Variants in PGCKA1 observed in about 807,000 individuals in gnomAD.
PGCKA1 encodes the protein PDCD10 and GCKIII kinases associated 1, also known as PDCD10 and GCKIII kinases-associated protein 1.
At chr4:37,526,864 TA>T in the PGCKA1 span, among the ~76,000 whole-genome samples, 20 of 151,432 alleles carry the variant, frequency 1.3e-4, no homozygotes, top group Admixed American at 5.3e-4. Flanking sequence ...TCCACTTATT[TA>T]AAAAAAAAGT....
chr4:37,460,290 A>G, the PGCKA1 span, among the ~76,000 whole-genome samples: 1 of 152,224 alleles, frequency 6.6e-6, no homozygotes, highest in African/African-American at 2.4e-5. Context: ...TAGTGCCGCA[A>G]TAAATATACA....
the PGCKA1 span, among the ~76,000 whole-genome samples, chr4:37,469,715 T>G: frequency 6.6e-6 from 1 of 152,230 alleles, no homozygotes; most frequent in Non-Finnish European, 1.5e-5. Flanking sequence ...GACCAAGCAA[T>G]AATCTATCGG....
At chr4:37,568,418 A>G in the PGCKA1 span, among the ~76,000 whole-genome samples, 2 of 152,140 alleles carry the variant, frequency 1.3e-5, no homozygotes, top group Non-Finnish European at 2.9e-5. Flanking sequence ...TTCCCAGTGG[A>G]GAAGGGGGGT....
At chr4:37,458,066 A>C in the PGCKA1 span, among the ~76,000 whole-genome samples, 1 of 152,168 alleles carries the variant, frequency 6.6e-6, no homozygotes, top group Non-Finnish European at 1.5e-5. Context: ...AGGACCCTTG[A>C]TCCTTTTTAG....
chr4:37,468,001 G>T, the PGCKA1 span, among the ~76,000 whole-genome samples: 22 of 152,206 alleles, frequency 1.4e-4, no homozygotes, highest in Non-Finnish European at 2.4e-4. Flanking sequence ...GTAGGAATAA[G>T]TTAGTTGCCT....
chr4:37,500,574 A>G, the PGCKA1 span, among the ~76,000 whole-genome samples: 1 of 152,234 alleles, frequency 6.6e-6, no homozygotes, highest in Non-Finnish European at 1.5e-5. Flanking sequence ...CCATGTGGCA[A>G]TGAGAGGAAT....
At chr4:37,468,227 G>C in the PGCKA1 span, among the ~76,000 whole-genome samples, 2 of 152,110 alleles carry the variant, frequency 1.3e-5, no homozygotes, top group East Asian at 3.9e-4. Flanking sequence ...TGTGTCTCAG[G>C]GACTGTTTCA....
chr4:37,509,266 G>GC, the PGCKA1 span, among the ~76,000 whole-genome samples: 1 of 67,722 alleles, frequency 1.5e-5, no homozygotes, highest in African/African-American at 7.1e-5. Context: ...AGGCAGAGGC[G>GC]CCCCCCACCT....
At chr4:37,575,375 G>C in the PGCKA1 span, among the ~76,000 whole-genome samples, 1 of 151,920 alleles carries the variant, frequency 6.6e-6, no homozygotes, top group African/African-American at 2.4e-5. Context: ...TTCCTATACT[G>C]TTTGCCATTT....
chr4:37,554,475 G>A, the PGCKA1 span, among the ~76,000 whole-genome samples: 75 of 152,230 alleles, frequency 4.9e-4, 2 homozygotes, highest in Admixed American at 4.5e-3. Flanking sequence ...AGCCTCCTGA[G>A]TAGCTGGGAC....
the PGCKA1 span, among the ~76,000 whole-genome samples, chr4:37,495,083 A>T: frequency 2.0e-5 from 3 of 152,284 alleles, no homozygotes; most frequent in Admixed American, 2.0e-4. Flanking sequence ...ATGAACAGAC[A>T]CTTCTCAAAA....
chr4:37,577,657 G>T, the PGCKA1 span, among the ~76,000 whole-genome samples: 1 of 151,944 alleles, frequency 6.6e-6, no homozygotes, highest in African/African-American at 2.4e-5. Flanking sequence ...TTTATTCCAA[G>T]TTTTTCTTTG....
At chr4:37,548,462 G>A in the PGCKA1 span, among the ~76,000 whole-genome samples, 1 of 152,052 alleles carries the variant, frequency 6.6e-6, no homozygotes, top group Admixed American at 6.5e-5. Flanking sequence ...CAGTTTTTCT[G>A]TGAACTGGAT....
the PGCKA1 span, among the ~76,000 whole-genome samples, chr4:37,548,157 G>GA: frequency 6.2e-3 from 932 of 150,818 alleles, 12 homozygotes; most frequent in African/African-American, 0.022. Flanking sequence ...AATTGTCTGT[G>GA]AAAGTCGTGA....
At chr4:37,551,697 G>A in the PGCKA1 span, among the ~76,000 whole-genome samples, 5 of 152,206 alleles carry the variant, frequency 3.3e-5, no homozygotes, top group Non-Finnish European at 7.3e-5. Flanking sequence ...GTGTAGCACA[G>A]ATTCAACCCT....
the PGCKA1 span, among the ~76,000 whole-genome samples, chr4:37,490,220 T>C: frequency 6.6e-6 from 1 of 152,082 alleles, no homozygotes; most frequent in African/African-American, 2.4e-5. Flanking sequence ...GGTATTAATA[T>C]CCCCCAATTT....
At chr4:37,562,578 G>A in the PGCKA1 span, among the ~76,000 whole-genome samples, 1 of 152,208 alleles carries the variant, frequency 6.6e-6, no homozygotes, top group South Asian at 2.1e-4. Context: ...AGGGCAGTGG[G>A]AGTGCACATA....
chr4:37,544,106 A>G, the PGCKA1 span, among the ~76,000 whole-genome samples: 1 of 152,192 alleles, frequency 6.6e-6, no homozygotes, highest in African/African-American at 2.4e-5. Context: ...GACCTTTCAT[A>G]TCTGAAAATG....
chr4:37,568,180 G>A, the PGCKA1 span, among the ~76,000 whole-genome samples: 9 of 152,344 alleles, frequency 5.9e-5, no homozygotes, highest in African/African-American at 1.9e-4. Context: ...TAGAGAGGCA[G>A]CCCTTCTAGT....
Sources: gnomAD v4.1 joint callset for allele counts (sites outside exome capture counted in the v4.1 genomes callset) on GRCh38, gnomAD v4.1.1 for gene constraint, MANE v1.5 for transcripts, NCBI Gene and HGNC (gene_info 2026-07-23, HGNC 2026-07-21) for gene names.